The following NCAM1 variants were observed in gnomAD, a reference collection of about 807,000 sequenced individuals.
NCAM1 encodes the protein neural cell adhesion molecule 1.
A neutral mutation model predicts 109.8 loss-of-function variants in NCAM1; 14 were observed. The observed-to-expected ratio is 0.13, with a 90% CI of 0.08 to 0.20. The LOEUF (loss-of-function observed/expected upper bound fraction) is 0.20, where lower values mean the gene tolerates loss of function less well. NCAM1 is among the 10% of genes least tolerant of loss of function. NCAM1 has a pLI of 1.00. For synonymous variants in NCAM1, 418 were observed against 442.9 expected, an observed-to-expected ratio of 0.94 and a Z score of 0.70; for missense variants, 774 against 1,109.9, an observed-to-expected ratio of 0.70 and a Z score of 4.30.
intron 1 of NCAM1, among the ~76,000 whole-genome samples, chr11:113,101,048 G>C (rs1041776451): frequency 6.6e-6 from 1 of 152,274 alleles, no homozygotes; most frequent in Non-Finnish European, 1.5e-5. Flanking sequence ...CCCAGAAGGA[G>C]CCTGGTTGTA....
chr11:113,130,635 T>G (rs894937469), intron 1 of NCAM1: 2 of 152,226 alleles, frequency 1.3e-5, no homozygotes, highest in East Asian at 3.8e-4. Context: ...CTTGTTATTT[T>G]ATTTGATCTT....
chr11:113,275,213 C>A, intron 19 of NCAM1, 54 bp from the exon 20 acceptor site: 1 of 1,605,946 alleles, frequency 6.2e-7, no homozygotes, highest in Non-Finnish European at 8.5e-7. Flanking sequence ...GATGCAGGGG[C>A]GAGATGTCTG....
intron 1 of NCAM1, among the ~76,000 whole-genome samples, chr11:113,140,755 C>T (rs144003848): frequency 4.6e-5 from 7 of 152,230 alleles, no homozygotes; most frequent in South Asian, 4.2e-4. Flanking sequence ...GTAACTTTTG[C>T]GTGTTCTCCT....
chr11:113,090,520 A>G (rs1157687590), intron 1 of NCAM1, among the ~76,000 whole-genome samples: 1 of 152,178 alleles, frequency 6.6e-6, no homozygotes, highest in Non-Finnish European at 1.5e-5. Context: ...AAGTAATGAT[A>G]TTTTCCTCCA....
intron 1 of NCAM1, among the ~76,000 whole-genome samples, chr11:113,199,132 C>T (rs192986724): frequency 3.3e-5 from 5 of 152,158 alleles, no homozygotes; most frequent in South Asian, 2.1e-4. Context: ...GCAGTATTTA[C>T]GCAAGGAGTG....
At chr11:113,123,994 C>T (rs952182436) in intron 1 of NCAM1, among the ~76,000 whole-genome samples, 7 of 152,164 alleles carry the variant, frequency 4.6e-5, no homozygotes, top group South Asian at 2.1e-4. Context: ...ATCAGCAAAG[C>T]GGCTGACCCT....
intron 1 of NCAM1, among the ~76,000 whole-genome samples, chr11:113,188,589 G>A (rs141762617): frequency 6.6e-5 from 10 of 152,270 alleles, no homozygotes; most frequent in African/African-American, 2.4e-4. Flanking sequence ...TTTTAGAGCT[G>A]TCAGTCCAAT....
At chr11:113,040,485 G>C (rs542841511) in intron 1 of NCAM1, among the ~76,000 whole-genome samples, 40 of 152,298 alleles carry the variant, frequency 2.6e-4, no homozygotes, top group Non-Finnish European at 4.9e-4. Context: ...TTGCTCTGCT[G>C]TCATAGCACA....
intron 1 of NCAM1, among the ~76,000 whole-genome samples, chr11:113,017,792 A>T (rs1555075527): frequency 6.6e-6 from 1 of 152,182 alleles, no homozygotes; most frequent in African/African-American, 2.4e-5. Context: ...TAGCAATGAT[A>T]TACTACATAT....
chr11:113,143,440 A>G (rs181609100), intron 1 of NCAM1, among the ~76,000 whole-genome samples: 1 of 152,350 alleles, frequency 6.6e-6, no homozygotes, highest in African/African-American at 2.4e-5. Flanking sequence ...TGTAAAATAT[A>G]GAAATCTCTA....
chr11:113,020,254 T>G (rs1262053352), intron 1 of NCAM1, among the ~76,000 whole-genome samples: 1 of 152,228 alleles, frequency 6.6e-6, no homozygotes, highest in Non-Finnish European at 1.5e-5. Context: ...TGCATTTGCT[T>G]TCTATCCTTG....
At chr11:112,987,617 T>G (rs200352229) in intron 1 of NCAM1, among the ~76,000 whole-genome samples, 2 of 152,158 alleles carry the variant, frequency 1.3e-5, no homozygotes, top group Non-Finnish European at 2.9e-5. Flanking sequence ...TCTGAATTAA[T>G]TGACTTCTTT....
intron 1 of NCAM1, among the ~76,000 whole-genome samples, chr11:113,171,069 G>T (rs1042131703): frequency 6.6e-6 from 1 of 152,088 alleles, no homozygotes; most frequent in Non-Finnish European, 1.5e-5. Flanking sequence ...AATGAGTGCT[G>T]GTTTCCTCTG....
intron 1 of NCAM1, among the ~76,000 whole-genome samples, chr11:113,122,928 A>G (rs1555096372): frequency 6.6e-6 from 1 of 152,210 alleles, no homozygotes; most frequent in African/African-American, 2.4e-5. Flanking sequence ...CCTGGAGGTC[A>G]TTCTGTTAAG....
At chr11:113,236,503 G>A (rs1225720658) in intron 14 of NCAM1, among the ~76,000 whole-genome samples, 1 of 152,136 alleles carries the variant, frequency 6.6e-6, no homozygotes, top group Non-Finnish European at 1.5e-5. Context: ...ACTCCAAGAG[G>A]CTAACACTCT....
chr11:113,175,281 C>T (rs193129674), intron 1 of NCAM1, among the ~76,000 whole-genome samples: 1 of 152,320 alleles, frequency 6.6e-6, no homozygotes, highest in African/African-American at 2.4e-5. Flanking sequence ...TAACCCTTGG[C>T]CCAAGAGATG....
At chr11:113,248,249 G>A (rs1174215699) in intron 15 of NCAM1, among the ~76,000 whole-genome samples, 2 of 137,550 alleles carry the variant, frequency 1.5e-5, no homozygotes, top group African/African-American at 5.2e-5. Context: ...AAAAAAAATC[G>A]CTGACAGCCT....
intron 2 of NCAM1, among the ~76,000 whole-genome samples, chr11:113,203,177 G>A (rs1944121810): frequency 6.6e-6 from 1 of 152,198 alleles, no homozygotes; most frequent in Non-Finnish European, 1.5e-5. Flanking sequence ...AAAGAGCTGA[G>A]CTAGGTGTAA....
Position 113,273,760 on chromosome 11 carries a change from C to CT in NCAM1, c.2457-1504dup, listed in dbSNP as rs782411195. On this transcript the variant is annotated intron_variant, in intron 19 of 19. Transcript: ENST00000316851. This position sits in a 1 kb window ranked among gnomAD's most constrained non-coding sequence, Gnocchi z 6.0. ...CCAGCAAAGACCGAGTACGGCCTCT[C>CT]TTTGTCTGCTGTCATCGGGTTGTGT... is the stretch of plus-strand genomic sequence containing the variant. 2.3e-6 allele frequency: 1 copy of CT among 428,112 alleles called. No homozygotes were observed. Among genetic ancestry groups the CT allele is most frequent in the East Asian group, 7.2e-5 (1 of 13,798 alleles). 26.5% of individuals were successfully genotyped at this position (428,112 alleles called of 1,614,324 possible).
Sources: gnomAD v4.1 joint callset for allele counts (sites outside exome capture counted in the v4.1 genomes callset) on GRCh38, gnomAD v4.1.1 for gene constraint, Gnocchi (gnomAD v3.1) non-coding constraint, MANE v1.5 for transcripts, NCBI Gene and HGNC (gene_info 2026-07-23, HGNC 2026-07-21) for gene names.